Variants in MCTP2 observed in about 807,000 individuals in gnomAD.
The protein encoded by MCTP2 is multiple C2 and transmembrane domain containing 2.
In MCTP2, 132 loss-of-function variants were observed where a neutral mutation model predicts 111.6. That is an observed-to-expected ratio of 1.18 (90% CI 1.03 to 1.37). MCTP2 has a LOEUF of 1.37. Among genes scored for constraint, MCTP2 ranks in the 40% most tolerant of loss-of-function variants. The pLI is 0.00. For missense variants in MCTP2, 1,183 were observed against 1,067.9 expected (o/e 1.11, Z -1.50); for synonymous variants, 395 against 387.7 (o/e 1.02, Z -0.22).
chr15:94,420,944 T>TA (rs1382093064), intron 17 of MCTP2, among the ~76,000 whole-genome samples: 1 of 152,172 alleles, frequency 6.6e-6, no homozygotes, highest in African/African-American at 2.4e-5. Flanking sequence ...ATTGATGTGA[T>TA]AGACTTCATT....
In MCTP2 at chr15:94,385,465, T is replaced by G; in HGVS notation, c.1728T>G (p.Phe576Leu). The G allele has an allele frequency of 6.2e-7, 1 of 1,613,574 alleles. No individual in the cohort carries two copies. The highest frequency in any genetic ancestry group is 8.5e-7 in the Non-Finnish European group (1 of 1,179,720). The change falls in exon 14 of 23, where the codon TTT becomes TTG. Residue 576 changes from phenylalanine (F) to leucine (L), a missense_variant. Coordinates refer to ENST00000357742, the MANE Select transcript of MCTP2 (RefSeq NM_001385001.1). The part of the protein sequence containing the change: ...DIHDVLEVTV[F>L]DEDGDKPPDF... Reference sequence around the variant, plus strand: ...ATGATGTTTTGGAAGTGACAGTGTTTGATGAAGATGGAGATAAACCCCCAG... The same window carrying G: ...ATGATGTTTTGGAAGTGACAGTGTTGGATGAAGATGGAGATAAACCCCCAG...
intron 4 of MCTP2, among the ~76,000 whole-genome samples, chr15:94,328,897 C>T (rs2152387184): frequency 6.6e-6 from 1 of 152,236 alleles, no homozygotes; most frequent in South Asian, 2.1e-4. Context: ...TGTTGATTCC[C>T]ATATTGTGTG....
chr15:94,293,686 T>A (rs1297975794), intron 1 of MCTP2, among the ~76,000 whole-genome samples: 1 of 152,202 alleles, frequency 6.6e-6, no homozygotes, highest in Non-Finnish European at 1.5e-5. Context: ...CCTATTAGAA[T>A]GGCTAAAATT....
chr15:94,372,537 T>C (rs1481330548), intron 12 of MCTP2, among the ~76,000 whole-genome samples: 1 of 152,200 alleles, frequency 6.6e-6, no homozygotes, highest in Admixed American at 6.5e-5. Context: ...ACGGTGGGGA[T>C]CAGGCATTAC....
At chr15:94,436,128 G>A (rs1324991437) in intron 17 of MCTP2, among the ~76,000 whole-genome samples, 5 of 152,062 alleles carry the variant, frequency 3.3e-5, no homozygotes, top group Admixed American at 6.5e-5. Context: ...TCCTTTCAGC[G>A]TACCTCTGCG....
intron 12 of MCTP2, 89 bp from the exon 13 acceptor site, chr15:94,383,933 A>G: frequency 1.0e-6 from 1 of 952,672 alleles, no homozygotes; most frequent in Non-Finnish European, 1.7e-6. Flanking sequence ...TCTTTCAGCA[A>G]GCACAACTTT....
intron 8 of MCTP2, among the ~76,000 whole-genome samples, chr15:94,353,591 CT>C (rs1247298628): frequency 8.5e-5 from 13 of 152,266 alleles, no homozygotes; most frequent in Admixed American, 6.5e-4. Context: ...CCCTTTGATC[CT>C]TTGTGGACAT....
chr15:94,478,956 G>A lies in MCTP2; in HGVS notation c.2569-10G>A. Reference sequence around the variant, plus strand: ...CTAACCGCCAGCATCACGGCTATTTGTTTTCACAGGTGCAGTATGCAGAAT... The same window carrying A: ...CTAACCGCCAGCATCACGGCTATTTATTTTCACAGGTGCAGTATGCAGAAT... On this transcript the variant is annotated splice_polypyrimidine_tract_variant and intron_variant, in intron 22 of 22. Coordinates refer to ENST00000357742, the MANE Select transcript of MCTP2 (RefSeq NM_001385001.1). The A allele has an allele frequency of 6.2e-7, 1 of 1,613,800 alleles. No homozygotes were observed. Among genetic ancestry groups the A allele is most frequent in the Non-Finnish European group, 8.5e-7 (1 of 1,179,926 alleles).
intron 4 of MCTP2, among the ~76,000 whole-genome samples, chr15:94,329,361 T>C (rs1472505443): frequency 6.6e-6 from 1 of 152,172 alleles, no homozygotes; most frequent in African/African-American, 2.4e-5. Context: ...AGTCCGTTCT[T>C]GCATTGCTAT....
At chr15:94,281,704 A>C (rs1158222130) in intron 1 of MCTP2, among the ~76,000 whole-genome samples, 1 of 152,022 alleles carries the variant, frequency 6.6e-6, no homozygotes, top group Admixed American at 6.5e-5. Context: ...ACAGTCTTTC[A>C]TTTCCATGTT....
chr15:94,389,047 A>G (rs1005509860), intron 14 of MCTP2, among the ~76,000 whole-genome samples: 1 of 152,190 alleles, frequency 6.6e-6, no homozygotes, highest in Non-Finnish European at 1.5e-5. Context: ...CCTGTGCAAT[A>G]AACACGTAAG....
intron 17 of MCTP2, among the ~76,000 whole-genome samples, chr15:94,439,431 A>C (rs1471303086): frequency 2.6e-5 from 4 of 152,136 alleles, no homozygotes; most frequent in African/African-American, 9.7e-5. Context: ...TTTTGAAGTA[A>C]TTTACCCAAA....
rs189359023 is a variant in MCTP2, at chr15:94,376,858, T to G, written c.1582+6678T>G. Among the ~76,000 whole-genome samples, 673 of 152,344 alleles carry G rather than the reference T, an allele frequency of 4.4e-3. 2 individuals carry two copies. The highest frequency in any genetic ancestry group is 9.7e-3 in the Admixed American group (148 of 15,298). ...ATACTGAACTACTTTTGTGCTTGAA[T>G]TTTACATTTTGATAATGTGGATAAT... On this transcript the variant is annotated intron_variant, in intron 12 of 22. Transcript: ENST00000357742.
intron 14 of MCTP2, among the ~76,000 whole-genome samples, chr15:94,390,541 A>G (rs1008265257): frequency 2.0e-5 from 3 of 152,198 alleles, no homozygotes; most frequent in South Asian, 4.2e-4. Flanking sequence ...TCTCCAGGCC[A>G]TTCCTTTTTA....
At chr15:94,371,579 T>C (rs992505441) in intron 12 of MCTP2, among the ~76,000 whole-genome samples, 36 of 152,340 alleles carry the variant, frequency 2.4e-4, no homozygotes, top group African/African-American at 7.7e-4. Context: ...TTTAAAAAAA[T>C]TCTTTCTGTA....
At position 94,296,931 on chromosome 15, in the gene MCTP2, A is replaced by G. The variant is rs548255795; in HGVS notation, c.-65-1270A>G. Among the ~76,000 whole-genome samples the G allele has an allele frequency of 5.9e-5, 9 of 152,350 alleles. No individual in the cohort carries two copies. The South Asian group carries it at 1.2e-3, about 21-fold the overall frequency. On this transcript the variant is annotated intron_variant, in intron 1 of 22. Coordinates refer to ENST00000357742, the MANE Select transcript of MCTP2 (RefSeq NM_001385001.1). ...TAGAGACAAAGTCCTGACTTTTAGC[A>G]GGCAAATGGCTGCACACACCCTGAT...
At chr15:94,395,873 G>A (rs1351931436) in intron 14 of MCTP2, among the ~76,000 whole-genome samples, 1 of 152,106 alleles carries the variant, frequency 6.6e-6, no homozygotes, top group Non-Finnish European at 1.5e-5. Context: ...TTTACTGACC[G>A]ATTGAACCAG....
intron 2 of MCTP2, 36 bp downstream of exon 2, chr15:94,298,766 C>G: frequency 1.7e-6 from 2 of 1,206,070 alleles, no homozygotes; most frequent in African/African-American, 1.6e-5. Context: ...TTTTTTGTCT[C>G]TCTCTCTCTC....
chr15:94,331,870 G>A (rs2077148333), intron 4 of MCTP2, among the ~76,000 whole-genome samples: 1 of 152,166 alleles, frequency 6.6e-6, no homozygotes, highest in Non-Finnish European at 1.5e-5. Context: ...GTGCTAAATG[G>A]CAAAACATGG....
Sources: allele counts gnomAD v4.1 joint callset (sites outside exome capture counted in the v4.1 genomes callset), GRCh38; gene constraint gnomAD v4.1.1; transcripts MANE v1.5; gene names NCBI Gene and HGNC (gene_info 2026-07-23, HGNC 2026-07-21).